Variants in ZNF343 observed in about 807,000 individuals in gnomAD.
The protein encoded by ZNF343 is zinc finger protein 343.
Under a neutral mutation model 13.8 loss-of-function variants are expected in ZNF343, and 11 were observed. The observed-to-expected ratio is 0.80, with a 90% CI of 0.50 to 1.32. The LOEUF (loss-of-function observed/expected upper bound fraction) is 1.32, where lower values mean the gene tolerates loss of function less well. ZNF343 is among the 40% of genes most tolerant of loss of function. The pLI is 0.00. For missense variants in ZNF343, 658 were observed against 714.2 expected (o/e 0.92, Z 0.90); for synonymous variants, 248 against 260.0 (o/e 0.95, Z 0.44).
intron 5 of ZNF343, among the ~76,000 whole-genome samples, chr20:2,490,306 T>C (rs891476266): frequency 6.6e-6 from 1 of 151,958 alleles, no homozygotes; most frequent in South Asian, 2.1e-4. Flanking sequence ...CACTGACTCC[T>C]ACGGACCCCT....
chr20:2,491,126 T>C (rs2085360034), intron 5 of ZNF343, among the ~76,000 whole-genome samples: 1 of 152,182 alleles, frequency 6.6e-6, no homozygotes, highest in Non-Finnish European at 1.5e-5. Context: ...TCTCTACATG[T>C]TTTATCTAGA....
At chr20:2,496,953 G>A (rs567403468) in intron 2 of ZNF343, among the ~76,000 whole-genome samples, 83 of 151,834 alleles carry the variant, frequency 5.5e-4, no homozygotes, top group African/African-American at 1.9e-3. Context: ...GGTGGCACAT[G>A]CCTGTAATCC....
At chr20:2,505,740 T>C (rs1202134943) in intron 1 of ZNF343, among the ~76,000 whole-genome samples, 1 of 152,186 alleles carries the variant, frequency 6.6e-6, no homozygotes, top group Non-Finnish European at 1.5e-5. Flanking sequence ...GCTAGCCATA[T>C]GTAGAAAGCT....
At position 2,499,764 on chromosome 20, in the gene ZNF343, C is replaced by CA. The variant is rs1334651720; in HGVS notation, c.-150+891dup. The stretch of plus-strand genomic sequence containing the variant: ...TCCGGCTGGTGACCAGGGATGGAGA[C>CA]ACGGTCATTAACAGAAATCATCAAC... On this transcript the variant is annotated intron_variant, in intron 2 of 5. Coordinates refer to ENST00000278772, the MANE Select transcript of ZNF343 (RefSeq NM_024325.6). Among the ~76,000 whole-genome samples, 5 of 152,132 alleles carry CA rather than the reference C, an allele frequency of 3.3e-5. No homozygotes were observed. The East Asian group carries it at 9.7e-4, about 29-fold the overall frequency.
At chr20:2,497,828 T>A (rs1342099669) in intron 2 of ZNF343, among the ~76,000 whole-genome samples, 3 of 152,122 alleles carry the variant, frequency 2.0e-5, no homozygotes, top group African/African-American at 7.2e-5. Flanking sequence ...CCTTTCTTAA[T>A]AATGGCCCAA....
In ZNF343 at chr20:2,492,679, A is replaced by G. The variant is rs778657285; in HGVS notation, c.304+20T>C. 23 of 1,602,256 alleles carry G rather than the reference A, an allele frequency of 1.4e-5. No individual in the cohort carries two copies. The highest frequency in any genetic ancestry group is 1.9e-5 in the Non-Finnish European group (22 of 1,177,252). ...AATCTCTACTGAATTAATGAAGGAAAGGAAAGAACACAGCCTTACCCAATG... is the reference window on the plus strand; with the variant it reads ...AATCTCTACTGAATTAATGAAGGAAGGGAAAGAACACAGCCTTACCCAATG... On this transcript the variant is annotated intron_variant, in intron 5 of 5. Coordinates refer to ENST00000278772, the MANE Select transcript of ZNF343 (RefSeq NM_024325.6).
intron 2 of ZNF343, among the ~76,000 whole-genome samples, chr20:2,499,666 T>A (rs1049296053): frequency 1.3e-5 from 2 of 151,832 alleles, no homozygotes; most frequent in Admixed American, 1.3e-4. Context: ...CAAGGTAGAA[T>A]TGAGAGGACT....
upstream of ZNF343, among the ~76,000 whole-genome samples, chr20:2,510,961 T>C (rs2085736062): frequency 6.6e-6 from 1 of 152,172 alleles, no homozygotes; most frequent in African/African-American, 2.4e-5. Flanking sequence ...GTGTGGGTTC[T>C]CATTGTCCAC....
intron 5 of ZNF343, among the ~76,000 whole-genome samples, chr20:2,491,135 G>A (rs1309730233): frequency 6.6e-6 from 1 of 152,140 alleles, no homozygotes; most frequent in Non-Finnish European, 1.5e-5. Flanking sequence ...GTTTTATCTA[G>A]AAACATAGGA....
chr20:2,521,525 G>A (rs914763922), intron 1 of ZNF343, among the ~76,000 whole-genome samples: 9 of 152,200 alleles, frequency 5.9e-5, no homozygotes, highest in Non-Finnish European at 8.8e-5. Context: ...GGAGACCTCT[G>A]GGGACTCAGC....
chr20:2,483,717 CCA>C lies in ZNF343; in HGVS notation c.1242_1243del (p.Cys414TrpfsTer5), dbSNP rs764571353. The C allele has an allele frequency of 1.2e-6, 2 of 1,614,016 alleles. No individual in the cohort carries two copies. Among genetic ancestry groups the C allele is most frequent in the South Asian group, 1.1e-5 (1 of 91,046 alleles). On this transcript the variant is annotated frameshift_variant, in exon 6 of 6. Coordinates refer to ENST00000278772, the MANE Select transcript of ZNF343 (RefSeq NM_024325.6). LOFTEE classifies it low-confidence loss of function (END_TRUNC). Reference sequence around the variant, plus strand: ...ATCTGAGTTCTGGCTAAAGCCTCGCCCACACTCCCTGCAAACATAAGGCTTCT... The same window carrying C: ...ATCTGAGTTCTGGCTAAAGCCTCGCCCACTCCCTGCAAACATAAGGCTTCT...
chr20:2,484,767 A>G lies in ZNF343; in HGVS notation c.305-111T>C, dbSNP rs573511984. 1.3e-4 allele frequency: 124 copies of G among 969,394 alleles called. No individual in the cohort carries two copies. The East Asian group carries it at 2.7e-3, about 21-fold the overall frequency. The allele number at this position is 969,394 out of a possible 1,614,324, so 60.0% of individuals were successfully genotyped here. On this transcript the variant is annotated intron_variant, in intron 5 of 5. Coordinates refer to ENST00000278772, the MANE Select transcript of ZNF343 (RefSeq NM_024325.6). Reference sequence around the variant, plus strand: ...CTGCCATGCCTATAATTGATAATATAAGTATAACACAATTTGCTTCTGAAC... The same window carrying G: ...CTGCCATGCCTATAATTGATAATATGAGTATAACACAATTTGCTTCTGAAC...
chr20:2,497,654 G>A (rs2085482639), intron 2 of ZNF343, among the ~76,000 whole-genome samples: 1 of 152,176 alleles, frequency 6.6e-6, no homozygotes, highest in South Asian at 2.1e-4. Flanking sequence ...TAGAACTGGA[G>A]GCAACAAGTA....
chr20:2,485,746 T>C lies in ZNF343; in HGVS notation c.305-1090A>G, dbSNP rs375490494. 6.6e-5 allele frequency among the ~76,000 whole-genome samples: 10 copies of C among 152,352 alleles called. 1 individual carries two copies. The South Asian group carries it at 8.3e-4, about 13-fold the overall frequency. On this transcript the variant is annotated intron_variant, in intron 5 of 5. Transcript: ENST00000278772. The stretch of plus-strand genomic sequence containing the variant: ...TGGTCTTTGTTTTAGTTTTTGACAA[T>C]GTGTTTTCCCTTTGGTTGCTCTGAC...
intron 1 of ZNF343, among the ~76,000 whole-genome samples, chr20:2,521,569 T>C (rs923051995): frequency 1.6e-4 from 25 of 151,878 alleles, no homozygotes; most frequent in African/African-American, 4.8e-4. Flanking sequence ...TAGACTCAGG[T>C]GTGGGTAGTG....
At chr20:2,524,605 G>C (rs1180829078), upstream of ZNF343, 1 of 152,436 alleles carries the variant, frequency 6.6e-6, no homozygotes, top group Non-Finnish European at 1.5e-5. Context: ...GCGAGCTTCC[G>C]GGCCCAGTTC....
rs370498087 is a variant in ZNF343, at chr20:2,483,722, C to T, written c.1239G>A (p.Glu413=). 11 of 1,613,880 alleles carry T rather than the reference C, an allele frequency of 6.8e-6. No homozygotes were observed. The highest frequency in any genetic ancestry group is 9.3e-6 in the Non-Finnish European group (11 of 1,179,958). ...AGTTCTGGCTAAAGCCTCGCCCACA[C>T]TCCCTGCAAACATAAGGCTTCTCCC... ...HSGEKPYVCR[E]CGRGFSQNSD... The change falls in exon 6 of 6, where the codon GAG becomes GAA. Residue 413 remains glutamate, a synonymous_variant. Transcript: ENST00000278772.
At chr20:2,515,482 C>A (rs932904780) in intron 1 of ZNF343, among the ~76,000 whole-genome samples, 1 of 152,130 alleles carries the variant, frequency 6.6e-6, no homozygotes, top group East Asian at 1.9e-4. Flanking sequence ...AAAAAATATT[C>A]CAAAAAATAT....
At chr20:2,501,562 C>G (rs536369410) in intron 1 of ZNF343, among the ~76,000 whole-genome samples, 7 of 152,326 alleles carry the variant, frequency 4.6e-5, no homozygotes, top group Non-Finnish European at 1.0e-4. Flanking sequence ...AGGCACCCCC[C>G]AGTAGGGGCA....
Sources: gnomAD v4.1 joint callset for allele counts (sites outside exome capture counted in the v4.1 genomes callset) on GRCh38, gnomAD v4.1.1 for gene constraint, MANE v1.5 for transcripts, NCBI Gene and HGNC (gene_info 2026-07-23, HGNC 2026-07-21) for gene names.